YTHDC2: variants seen among roughly 807,000 people sequenced by gnomAD.
YTHDC2 encodes the protein 3'-5' RNA helicase YTHDC2.
YTHDC2 carries 45 observed loss-of-function variants against 174.9 expected under a neutral mutation model. That is an observed-to-expected ratio of 0.26 (90% CI 0.20 to 0.33). YTHDC2 has a LOEUF of 0.33. Ranked by LOEUF, YTHDC2 falls within the 10% of genes least tolerant of loss-of-function variation. The probability of loss-of-function intolerance (pLI) is 1.00; values close to 1 mark genes in which losing one functional copy is unlikely to be tolerated. For synonymous variants in YTHDC2, 657 were observed against 574.5 expected (o/e 1.14, Z -2.05); for missense variants, 1,650 against 1,723.7 (o/e 0.96, Z 0.76).
chr5:113,566,130 A>G, intron 21 of YTHDC2, 111 bp downstream of exon 21: 1 of 1,227,778 alleles, frequency 8.1e-7, no homozygotes, highest in South Asian at 1.9e-5. Flanking sequence ...TGACATTATC[A>G]TGTTGTGTAT....
At chr5:113,575,026 C>T (rs1484800138) in intron 23 of YTHDC2, among the ~76,000 whole-genome samples, 3 of 151,826 alleles carry the variant, frequency 2.0e-5, no homozygotes, top group Non-Finnish European at 4.4e-5. Context: ...GTCGCCTTCA[C>T]CTACTTTTCT....
intron 7 of YTHDC2, among the ~76,000 whole-genome samples, chr5:113,537,822 C>T (rs1479944607): frequency 2.0e-5 from 3 of 152,014 alleles, no homozygotes; most frequent in East Asian, 3.9e-4. Context: ...TCTTGTGTTA[C>T]CTGTCTTAGT....
At chr5:113,565,428 A>T (rs1254672231) in intron 20 of YTHDC2, among the ~76,000 whole-genome samples, 1 of 152,208 alleles carries the variant, frequency 6.6e-6, no homozygotes, top group Non-Finnish European at 1.5e-5. Flanking sequence ...AAGAGAACCT[A>T]TTCACAGAGG....
At chr5:113,546,897 A>G (rs1004115625) in intron 10 of YTHDC2, among the ~76,000 whole-genome samples, 2 of 152,168 alleles carry the variant, frequency 1.3e-5, no homozygotes, top group Non-Finnish European at 2.9e-5. Context: ...AGTTCTTGTC[A>G]ACTGTCCTTC....
At chr5:113,561,007 A>G (rs1776925179) in intron 17 of YTHDC2, 73 bp from the exon 18 acceptor site, 2 of 1,262,612 alleles carry the variant, frequency 1.6e-6, no homozygotes, top group African/African-American at 1.5e-5. Context: ...TCTTTCCTAA[A>G]TCACATTGCG....
intron 23 of YTHDC2, among the ~76,000 whole-genome samples, chr5:113,569,684 T>C (rs1036633978): frequency 3.3e-5 from 5 of 152,232 alleles, no homozygotes; most frequent in African/African-American, 1.2e-4. Flanking sequence ...GAGTTCTCTA[T>C]TCTGTTCCAT....
intron 22 of YTHDC2, 39 bp downstream of exon 22, chr5:113,567,336 C>G: frequency 6.5e-7 from 1 of 1,545,394 alleles, no homozygotes. Flanking sequence ...TGAGGTGAAA[C>G]TAATTTAGGT....
intron 17 of YTHDC2, among the ~76,000 whole-genome samples, chr5:113,557,891 A>G (rs145503051): frequency 6.6e-6 from 1 of 152,376 alleles, no homozygotes; most frequent in Admixed American, 6.5e-5. Flanking sequence ...ATGTTTATCA[A>G]AAGTCTTCCC....
Position 113,563,439 on chromosome 5 carries a change from G to A in YTHDC2, c.2389G>A (p.Ala797Thr). ...NCPIADFLMKAPEPPPALIVR... is the reference protein window; with the variant it reads ...NCPIADFLMKTPEPPPALIVR... ...TCCCATTGCTGATTTTCTTATGAAAGCTCCTGAACCTCCACCAGCTTTAAT... is the reference window on the plus strand; with the variant it reads ...TCCCATTGCTGATTTTCTTATGAAAACTCCTGAACCTCCACCAGCTTTAAT... Residue 797 changes from alanine to threonine, a missense_variant, in exon 19 of 30, where the codon GCT becomes ACT. By Grantham distance (58) the Ala-to-Thr change is moderately conservative (BLOSUM62 0). This residue lies in a region of YTHDC2 where 913 missense variants were observed against 940.4 expected (regional missense o/e 0.97). Coordinates refer to ENST00000161863, the MANE Select transcript of YTHDC2 (RefSeq NM_022828.5). 1 of 1,611,162 alleles carries A rather than the reference G, an allele frequency of 6.2e-7. No homozygotes were observed. Among genetic ancestry groups the A allele is most frequent in the Non-Finnish European group, 8.5e-7 (1 of 1,178,266 alleles).
chr5:113,585,413 A>G (rs551512956), intron 26 of YTHDC2, among the ~76,000 whole-genome samples: 1 of 152,284 alleles, frequency 6.6e-6, no homozygotes, highest in Admixed American at 6.5e-5. Context: ...TTGTTAAATA[A>G]GAGGAAAATA....
intron 23 of YTHDC2, among the ~76,000 whole-genome samples, chr5:113,570,984 C>T (rs78512332): frequency 0.021 from 3,160 of 152,248 alleles, 42 homozygotes; most frequent in Non-Finnish European, 0.031. Flanking sequence ...TTTCTCTGGC[C>T]TGATTTCCTT....
intron 9 of YTHDC2, among the ~76,000 whole-genome samples, chr5:113,541,854 T>C (rs1434857850): frequency 1.3e-5 from 2 of 152,120 alleles, no homozygotes; most frequent in Non-Finnish European, 2.9e-5. Context: ...AAACATATAG[T>C]ATAGACTTAT....
chr5:113,537,816 G>C (rs1775186178), intron 7 of YTHDC2, among the ~76,000 whole-genome samples: 1 of 151,870 alleles, frequency 6.6e-6, no homozygotes, highest in Non-Finnish European at 1.5e-5. Context: ...TTCTCTTCTT[G>C]TGTTACCTGT....
intron 25 of YTHDC2, 136 bp downstream of exon 25, chr5:113,581,845 A>G: frequency 1.4e-6 from 1 of 739,204 alleles, no homozygotes; most frequent in Non-Finnish European, 1.9e-6. Flanking sequence ...GATAGCAATA[A>G]AGTGGAAAGA....
chr5:113,565,108 C>G (rs1004197579), intron 20 of YTHDC2, among the ~76,000 whole-genome samples: 1 of 152,170 alleles, frequency 6.6e-6, no homozygotes, highest in Non-Finnish European at 1.5e-5. Context: ...AGCCACCATG[C>G]CCAGCCATAT....
At chr5:113,563,730 A>G in intron 19 of YTHDC2, 129 bp from the exon 20 acceptor site, 1 of 1,120,602 alleles carries the variant, frequency 8.9e-7, no homozygotes, top group Non-Finnish European at 1.3e-6. Flanking sequence ...TAGAAACGAA[A>G]TATATTTTTA....
At chr5:113,521,413 C>T (rs992073765) in intron 2 of YTHDC2, among the ~76,000 whole-genome samples, 16 of 152,124 alleles carry the variant, frequency 1.1e-4, no homozygotes, top group Non-Finnish European at 2.1e-4. Flanking sequence ...ATCTCATCTT[C>T]AATTTAGCTT....
intron 6 of YTHDC2, among the ~76,000 whole-genome samples, chr5:113,535,154 A>G (rs1774966415): frequency 6.6e-6 from 1 of 152,216 alleles, no homozygotes. Flanking sequence ...TATGGATTCA[A>G]ACAACTGCAG....
intron 12 of YTHDC2, 69 bp downstream of exon 12, chr5:113,549,089 G>A: frequency 1.5e-6 from 2 of 1,350,432 alleles, no homozygotes; most frequent in South Asian, 2.5e-5. Flanking sequence ...TATAAATTAT[G>A]GGCTATTCAA....
Sources: gnomAD v4.1 joint callset for allele counts (sites outside exome capture counted in the v4.1 genomes callset) on GRCh38, gnomAD v4.1.1 for gene constraint, gnomAD v4.1.1 regional missense constraint, MANE v1.5 for transcripts, NCBI Gene and HGNC (gene_info 2026-07-23, HGNC 2026-07-21) for gene names.